MAGI1: variants seen among roughly 807,000 people sequenced by gnomAD.
MAGI1 encodes membrane associated guanylate kinase, WW and PDZ domain containing 1, also known as membrane-associated guanylate kinase, WW and PDZ domain-containing protein 1.
Under a neutral mutation model 139.9 loss-of-function variants are expected in MAGI1, and 58 were observed. That is an observed-to-expected ratio of 0.41 (90% confidence interval 0.34 to 0.52). MAGI1 has a LOEUF of 0.52. Ranked by LOEUF, MAGI1 falls within the 20% of genes least tolerant of loss-of-function variation. The probability of loss-of-function intolerance (pLI) is 0.12; values close to 1 mark genes in which losing one functional copy is unlikely to be tolerated. For missense variants in MAGI1, 1,874 were observed against 1,901.6 expected, an observed-to-expected ratio of 0.99 and a Z score of 0.27; for synonymous variants, 812 against 737.9, an observed-to-expected ratio of 1.10 and a Z score of -1.63.
At chr3:65,390,600 G>A (rs1943844545) in intron 14 of MAGI1, among the ~76,000 whole-genome samples, 2 of 152,092 alleles carry the variant, frequency 1.3e-5, no homozygotes, top group Admixed American at 1.3e-4. Flanking sequence ...TTATAGAAAA[G>A]GTAAAGCACT....
At chr3:65,736,524 G>T (rs2034749071) in intron 1 of MAGI1, among the ~76,000 whole-genome samples, 1 of 152,126 alleles carries the variant, frequency 6.6e-6, no homozygotes, top group South Asian at 2.1e-4. Context: ...TTCAATCCAT[G>T]ATGGTATAAA....
chr3:65,751,114 T>C lies in MAGI1; in HGVS notation c.314-129026A>G, dbSNP rs541387585. Among the ~76,000 whole-genome samples the C allele has an allele frequency of 2.6e-5, 4 of 152,332 alleles. No homozygotes were observed. The South Asian group carries it at 8.3e-4, about 32-fold the overall frequency. ...TGCCTGGCACTGGGAAACAGCTTGG[T>C]GAGTATAAGCTATAATTATTTGGGG... On this transcript the variant is annotated intron_variant, in intron 1 of 22. Transcript: ENST00000402939.
intron 1 of MAGI1, among the ~76,000 whole-genome samples, chr3:65,957,119 A>T (rs1329473128): frequency 6.6e-6 from 1 of 152,198 alleles, no homozygotes; most frequent in African/African-American, 2.4e-5. Flanking sequence ...GCATAATGAC[A>T]GTATAATAAT....
rs184455693 is a variant in MAGI1, at chr3:65,498,833, T to C, written c.431-5202A>G. Among the ~76,000 whole-genome samples, 58 of 152,322 alleles carry C rather than the reference T, an allele frequency of 3.8e-4. 2 individuals are homozygous for C. The highest frequency in any genetic ancestry group is 3.6e-3 in the Admixed American group (55 of 15,294). ...TGGCCAGTGTGATTAGGAAACTGAA[T>C]GTGAACTTTTATTTAATCTTAATAA... On this transcript the variant is annotated intron_variant, in intron 2 of 22. Transcript: ENST00000402939.
At chr3:65,779,983 G>A (rs2038797554) in intron 1 of MAGI1, among the ~76,000 whole-genome samples, 1 of 149,794 alleles carries the variant, frequency 6.7e-6, no homozygotes, top group South Asian at 2.1e-4. Flanking sequence ...ACTTGAAAAG[G>A]GGGTGGTCCT....
At chr3:65,931,329 G>A (rs576503931) in intron 1 of MAGI1, among the ~76,000 whole-genome samples, 20 of 152,084 alleles carry the variant, frequency 1.3e-4, no homozygotes, top group Non-Finnish European at 2.5e-4. Context: ...CACCGCACCC[G>A]GCCCTCCCTT....
At chr3:65,727,969 A>C (rs2033795059) in intron 1 of MAGI1, among the ~76,000 whole-genome samples, 1 of 152,170 alleles carries the variant, frequency 6.6e-6, no homozygotes, top group African/African-American at 2.4e-5. Flanking sequence ...TTTGAGAAGA[A>C]AGTCAATTAG....
chr3:65,619,563 A>G (rs1366079884), intron 2 of MAGI1, among the ~76,000 whole-genome samples: 9 of 152,146 alleles, frequency 5.9e-5, no homozygotes, highest in Non-Finnish European at 1.3e-4. Flanking sequence ...ACACGAGCCC[A>G]TTTCCCTGCA....
intron 1 of MAGI1, among the ~76,000 whole-genome samples, chr3:65,684,894 T>C: frequency 6.9e-6 from 1 of 145,330 alleles, no homozygotes. Flanking sequence ...TTTTTTTTTT[T>C]TTTGGTAGAG....
intron 1 of MAGI1, among the ~76,000 whole-genome samples, chr3:65,859,899 TG>T (rs375144190): frequency 0.16 from 21,137 of 136,010 alleles, 1,600 homozygotes; most frequent in African/African-American, 0.19. Flanking sequence ...TGTTTGTTTT[TG>T]TTTTTGTTTT....
chr3:65,445,356 T>C (rs941083481), intron 7 of MAGI1, among the ~76,000 whole-genome samples: 5 of 152,312 alleles, frequency 3.3e-5, no homozygotes, highest in South Asian at 2.1e-4. Flanking sequence ...GTCCAACAAA[T>C]GGCAGCTGTT....
chr3:65,741,392 A>C (rs949366371), intron 1 of MAGI1, among the ~76,000 whole-genome samples: 1 of 151,942 alleles, frequency 6.6e-6, no homozygotes, highest in Non-Finnish European at 1.5e-5. Flanking sequence ...GCCAGGATGG[A>C]CTCAGTCTCC....
intron 1 of MAGI1, among the ~76,000 whole-genome samples, chr3:65,674,873 C>T (rs972980974): frequency 6.6e-6 from 1 of 152,184 alleles, no homozygotes; most frequent in Admixed American, 6.5e-5. Context: ...TGCAGCCCAA[C>T]AGATGCATTT....
chr3:65,918,253 A>T (rs1039362479), intron 1 of MAGI1, among the ~76,000 whole-genome samples: 6 of 152,154 alleles, frequency 3.9e-5, no homozygotes, highest in Non-Finnish European at 5.9e-5. Context: ...GGGCATCTGT[A>T]GTTTAAGAAG....
At position 65,562,015 on chromosome 3, in the gene MAGI1, G is replaced by C. The variant is rs148409952; in HGVS notation, c.430+59957C>G. On this transcript the variant is annotated intron_variant, in intron 2 of 22. Coordinates refer to ENST00000402939, the MANE Select transcript of MAGI1 (RefSeq NM_001033057.2). ...TTTATTCACAATAAATTTTATTACA[G>C]TATATCATTATAATTGTTCTATTTT... 4.5e-3 allele frequency among the ~76,000 whole-genome samples: 682 copies of C among 152,184 alleles called. 4 individuals carry two copies. The highest frequency in any genetic ancestry group is 0.015 in the African/African-American group (631 of 41,520).
chr3:65,390,543 T>C (rs974712843), intron 14 of MAGI1, among the ~76,000 whole-genome samples: 3 of 152,194 alleles, frequency 2.0e-5, no homozygotes, highest in African/African-American at 7.2e-5. Flanking sequence ...TGATATTATG[T>C]TTATACAAGC....
intron 1 of MAGI1, among the ~76,000 whole-genome samples, chr3:65,946,313 C>T (rs1000033654): frequency 6.6e-6 from 1 of 152,212 alleles, no homozygotes; most frequent in Non-Finnish European, 1.5e-5. Flanking sequence ...TCCTCGTCAG[C>T]GTCTTGTGGG....
intron 1 of MAGI1, among the ~76,000 whole-genome samples, chr3:65,676,626 T>C (rs2087206413): frequency 6.6e-6 from 1 of 152,188 alleles, no homozygotes; most frequent in Non-Finnish European, 1.5e-5. Flanking sequence ...TTATTCATAC[T>C]CAGGAAGGAG....
At chr3:66,015,987 C>G (rs1355577565) in intron 1 of MAGI1, among the ~76,000 whole-genome samples, 1 of 152,128 alleles carries the variant, frequency 6.6e-6, no homozygotes, top group Non-Finnish European at 1.5e-5. Context: ...GTGTTTCTAT[C>G]AAATATGCTC....
Sources: allele counts gnomAD v4.1 joint callset (sites outside exome capture counted in the v4.1 genomes callset), GRCh38; gene constraint gnomAD v4.1.1; transcripts MANE v1.5; gene names NCBI Gene and HGNC (gene_info 2026-07-23, HGNC 2026-07-21).